CAPG: variants seen among roughly 807,000 people sequenced by gnomAD.
CAPG encodes the protein capping actin protein, gelsolin like.
A neutral mutation model predicts 44.6 loss-of-function variants in CAPG; 32 were observed. The ratio of observed to expected loss-of-function variants is 0.72; its 90% confidence interval spans 0.54 to 0.96. CAPG has a LOEUF of 0.96. Among genes scored for constraint, CAPG ranks in the 50% least tolerant of loss-of-function variants. CAPG has a pLI of 0.00. For synonymous variants in CAPG, 175 were observed against 179.6 expected (o/e 0.97, Z 0.20); for missense variants, 412 against 438.3 (o/e 0.94, Z 0.54).
In CAPG at chr2:85,398,726, A is replaced by C. The variant is rs1450747469; in HGVS notation, c.723T>G (p.Ala241=). 1 of 1,607,524 alleles carries C rather than the reference A, an allele frequency of 6.2e-7. No individual in the cohort carries two copies. The highest frequency in any genetic ancestry group is 8.5e-7 in the Non-Finnish European group (1 of 1,177,232). Residue 241 remains alanine (A), a synonymous_variant, in exon 7 of 10, where the codon GCT becomes GCG. Transcript: ENST00000263867. ...CTGCGGCCTGGGCATTTGCCTTGTC[A>C]GCTGTGAGGTCTTCCTCAGGGTTGC... ...KEGNPEEDLT[A]DKANAQAAAL...
At chr2:85,399,371 T>C in intron 5 of CAPG, 86 bp from the exon 6 acceptor site, 2 of 1,408,960 alleles carry the variant, frequency 1.4e-6, no homozygotes, top group East Asian at 2.4e-5. Flanking sequence ...GCTCTCCCTC[T>C]CTCCTCTCTG....
intron 7 of CAPG, 180 bp from the exon 8 acceptor site, chr2:85,398,332 C>G: frequency 1.5e-6 from 1 of 672,448 alleles, no homozygotes; most frequent in Non-Finnish European, 2.5e-6. Context: ...CAGCCCCACT[C>G]CCTCTCATCA....
At chr2:85,411,125 G>C (rs1171319503), upstream of CAPG, among the ~76,000 whole-genome samples, 1 of 152,098 alleles carries the variant, frequency 6.6e-6, no homozygotes, top group East Asian at 1.9e-4. Flanking sequence ...CAAAGTGCTG[G>C]GATTACAGGC....
downstream of CAPG, among the ~76,000 whole-genome samples, chr2:85,392,571 C>CAGAGGTAGGGA (rs1310178311): frequency 1.3e-5 from 2 of 152,138 alleles, no homozygotes; most frequent in East Asian, 3.9e-4. Flanking sequence ...GGAAACATCA[C>CAGAGGTAGGGA]AGAGGTAGGG....
intron 1 of CAPG, among the ~76,000 whole-genome samples, chr2:85,417,477 C>CTTTTT (rs1242085864): frequency 4.9e-5 from 5 of 101,052 alleles, no homozygotes; most frequent in Admixed American, 1.0e-4. Flanking sequence ...TATCTCAGCT[C>CTTTTT]TTTTTTTTTT....
At chr2:85,412,595 G>C (rs764335495), upstream of CAPG, among the ~76,000 whole-genome samples, 13 of 151,924 alleles carry the variant, frequency 8.6e-5, no homozygotes, top group Non-Finnish European at 1.5e-4. Flanking sequence ...ATAACTAATG[G>C]GTACTAGGCT....
intron 5 of CAPG, among the ~76,000 whole-genome samples, 168 bp from the exon 6 acceptor site, chr2:85,399,453 C>G (rs1257458202): frequency 1.3e-5 from 2 of 152,224 alleles, no homozygotes; most frequent in African/African-American, 4.8e-5. Flanking sequence ...TGCCCACGAC[C>G]ACCCACTGCA....
rs1389285065 is a variant in CAPG at position 85,394,818 on chromosome 2, C to T, written c.*75G>A. 4.6e-6 allele frequency: 5 copies of T among 1,083,486 alleles called. No individual in the cohort carries two copies. The highest frequency in any genetic ancestry group is 1.7e-5 in the Admixed American group (1 of 59,198). 67.1% of individuals were successfully genotyped at this position (1,083,486 alleles called of 1,614,324 possible). A position where few individuals can be genotyped will look rare whatever the true frequency, so the allele number is the denominator to read the frequency against. On this transcript the variant is annotated 3_prime_UTR_variant, in exon 10 of 10. Coordinates refer to ENST00000263867, the MANE Select transcript of CAPG (RefSeq NM_001747.4). ...AACATCTGCAGGGGGCACCTCTGCA[C>T]TGACCAGGCAGCCAGAGAAGCAAGC... is the stretch of plus-strand genomic sequence containing the variant.
chr2:85,398,906 G>C, intron 6 of CAPG, 124 bp from the exon 7 acceptor site: 1 of 844,560 alleles, frequency 1.2e-6, no homozygotes, highest in African/African-American at 1.7e-5. Context: ...ACCCAGCAGA[G>C]GTGAGGTGAG....
Position 85,395,412 on chromosome 2 carries a change from TA to T in CAPG, c.981+125del. The T allele has an allele frequency of 1.4e-6, 1 of 719,630 alleles. No individual in the cohort carries two copies. Among genetic ancestry groups the T allele is most frequent in the Non-Finnish European group, 2.5e-6 (1 of 402,164 alleles). 44.6% of individuals were successfully genotyped at this position (719,630 alleles called of 1,614,324 possible). On this transcript the variant is annotated intron_variant, in intron 9 of 9. Transcript: ENST00000263867. The surrounding 1 kb of genome is among the most constrained non-coding windows in gnomAD (Gnocchi z 4.3). ...GATGGGCTTTCCCACTGGATGGGTC[TA>T]AGAGGGAGGCCTGGTTGTTCCTGAC...
chr2:85,398,603 C>A, intron 7 of CAPG, 87 bp downstream of exon 7: 1 of 1,109,306 alleles, frequency 9.0e-7, no homozygotes. Flanking sequence ...CCTGCCTTCT[C>A]CCCTCCACCC....
chr2:85,414,860 A>G (rs1249862648), upstream of CAPG, among the ~76,000 whole-genome samples: 1 of 152,234 alleles, frequency 6.6e-6, no homozygotes, highest in African/African-American at 2.4e-5. Flanking sequence ...TGTGTTGGAC[A>G]GCGATGGGTC....
Position 85,395,552 on chromosome 2 carries a change from C to T in CAPG, c.967G>A (p.Ala323Thr), listed in dbSNP as rs566538644. Residue 323 changes from alanine to threonine, a missense_variant, in exon 9 of 10, where the codon GCC becomes ACC. Ala to Thr is a moderately conservative substitution (Grantham distance 58). Transcript: ENST00000263867. The surrounding 1 kb of genome is among the most constrained non-coding windows in gnomAD (Gnocchi z 4.3). Reference sequence around the variant, plus strand: ...CATCTCCTCACCTGAGTGTTCGGGGCGTACTGCATGCGCGAGATGAAGCCC... The same window carrying T: ...CATCTCCTCACCTGAGTGTTCGGGGTGTACTGCATGCGCGAGATGAAGCCC... ...AEGFISRMQYAPNTQVEILPQ... is the reference protein window; with the variant it reads ...AEGFISRMQYTPNTQVEILPQ... 3.7e-6 allele frequency: 6 copies of T among 1,613,510 alleles called. No individual in the cohort carries two copies. Among genetic ancestry groups the T allele is most frequent in the East Asian group, 2.2e-5 (1 of 44,864 alleles).
chr2:85,416,602 C>G (rs1186800644), intron 1 of CAPG, among the ~76,000 whole-genome samples: 1 of 152,200 alleles, frequency 6.6e-6, no homozygotes. Flanking sequence ...ACCTTCCCCC[C>G]CGCCGGTTCA....
At chr2:85,394,263 C>T (rs1686484342), downstream of CAPG, among the ~76,000 whole-genome samples, 1 of 152,278 alleles carries the variant, frequency 6.6e-6, no homozygotes, top group African/African-American at 2.4e-5. Flanking sequence ...AGACTGAAGA[C>T]TGTCCATGCT....
upstream of CAPG, among the ~76,000 whole-genome samples, chr2:85,411,393 C>T (rs1193261142): frequency 1.3e-5 from 2 of 152,244 alleles, no homozygotes; most frequent in African/African-American, 4.8e-5. Flanking sequence ...CTCCAACTCG[C>T]TGGCTTTCTG....
upstream of CAPG, among the ~76,000 whole-genome samples, chr2:85,415,248 C>T (rs1024511869): frequency 1.3e-5 from 2 of 152,162 alleles, no homozygotes; most frequent in African/African-American, 4.8e-5. Context: ...AGCCACTGGG[C>T]CACCTGCATC....
At chr2:85,407,421 C>T (rs1687210436) in intron 1 of CAPG, among the ~76,000 whole-genome samples, 1 of 151,978 alleles carries the variant, frequency 6.6e-6, no homozygotes, top group Non-Finnish European at 1.5e-5. Context: ...TTTTGAAAAA[C>T]CCCAGTGCCA....
intron 7 of CAPG, chr2:85,398,468 A>G: frequency 1.7e-6 from 1 of 591,268 alleles, no homozygotes; most frequent in East Asian, 2.8e-5. Flanking sequence ...CACCAAGCAT[A>G]GGCTGGAAGT....
Sources: gnomAD v4.1 joint callset for allele counts (sites outside exome capture counted in the v4.1 genomes callset) on GRCh38, gnomAD v4.1.1 for gene constraint, Gnocchi (gnomAD v3.1) non-coding constraint, MANE v1.5 for transcripts, NCBI Gene and HGNC (gene_info 2026-07-23, HGNC 2026-07-21) for gene names.